Variants in VPS13B observed in about 807,000 individuals in gnomAD.
The protein encoded by VPS13B is intermembrane lipid transfer protein VPS13B.
Under a neutral mutation model 426.4 loss-of-function variants are expected in VPS13B, and 285 were observed. The ratio of observed to expected loss-of-function variants is 0.67; its 90% confidence interval spans 0.61 to 0.74. The LOEUF is 0.74. VPS13B is among the 30% of genes least tolerant of loss of function. The pLI is 0.00. For synonymous variants in VPS13B, 1,676 were observed against 1,676.4 expected, an observed-to-expected ratio of 1.00 and a Z score of 0.01; for missense variants, 4,537 against 4,782.6, an observed-to-expected ratio of 0.95 and a Z score of 1.51.
intron 17 of VPS13B, chr8:99,241,639 G>A (rs1038754438): frequency 4.6e-5 from 7 of 151,996 alleles, no homozygotes; most frequent in African/African-American, 1.7e-4. Context: ...CCAAGTCTAT[G>A]GAAATTTTAA....
At chr8:99,752,103 A>C (rs891498786) in intron 39 of VPS13B, among the ~76,000 whole-genome samples, 1 of 152,156 alleles carries the variant, frequency 6.6e-6, no homozygotes, top group Non-Finnish European at 1.5e-5. Context: ...CCCACTCAGG[A>C]GACTGAGAGA....
At chr8:99,457,917 CT>C (rs578207936) in intron 23 of VPS13B, among the ~76,000 whole-genome samples, 4 of 151,666 alleles carry the variant, frequency 2.6e-5, no homozygotes, top group African/African-American at 7.3e-5. Flanking sequence ...TTGCTGATTT[CT>C]TTTTTTTATA....
At chr8:99,597,971 G>T (rs986991641) in intron 33 of VPS13B, among the ~76,000 whole-genome samples, 1 of 151,994 alleles carries the variant, frequency 6.6e-6, no homozygotes, top group Non-Finnish European at 1.5e-5. Context: ...TCTCATTTCT[G>T]TTCCTAGAAG....
At chr8:99,069,310 T>A (rs1844726553) in intron 3 of VPS13B, among the ~76,000 whole-genome samples, 1 of 152,148 alleles carries the variant, frequency 6.6e-6, no homozygotes, top group African/African-American at 2.4e-5. Flanking sequence ...GGCACAAGCC[T>A]TTAGTCCTAG....
intron 21 of VPS13B, among the ~76,000 whole-genome samples, chr8:99,411,507 C>T (rs1400150407): frequency 6.6e-6 from 1 of 152,104 alleles, no homozygotes; most frequent in Non-Finnish European, 1.5e-5. Context: ...TCCCATTCTG[C>T]ATATTGCCTG....
chr8:99,080,252 G>A (rs1236353526), intron 3 of VPS13B, among the ~76,000 whole-genome samples: 2 of 151,774 alleles, frequency 1.3e-5, no homozygotes, highest in African/African-American at 4.8e-5. Flanking sequence ...TCTTAATGAA[G>A]TTGGGTTTTT....
intron 19 of VPS13B, among the ~76,000 whole-genome samples, chr8:99,276,213 T>C (rs577379564): frequency 6.6e-6 from 1 of 152,206 alleles, no homozygotes; most frequent in East Asian, 1.9e-4. Context: ...GAAAGATGAG[T>C]ATATTATGAT....
At chr8:99,595,172 T>A (rs551916496) in intron 33 of VPS13B, among the ~76,000 whole-genome samples, 6 of 152,020 alleles carry the variant, frequency 3.9e-5, no homozygotes, top group African/African-American at 1.4e-4. Flanking sequence ...TTGAACTATT[T>A]GTTGGGGGTT....
At chr8:99,183,242 A>G (rs987692636) in intron 16 of VPS13B, among the ~76,000 whole-genome samples, 1 of 152,190 alleles carries the variant, frequency 6.6e-6, no homozygotes, top group Non-Finnish European at 1.5e-5. Flanking sequence ...GAATTTAGAC[A>G]CTAGGTTGAG....
At position 99,616,773 on chromosome 8, in the gene VPS13B, C is replaced by T. The variant is rs181677254; in HGVS notation, c.5221-25038C>T. Among the ~76,000 whole-genome samples the T allele has an allele frequency of 7.5e-4, 114 of 152,262 alleles. 1 individual carries two copies. In the East Asian group the frequency reaches 0.011, roughly 15 times the overall value. ...CCGGGAGGCCGAAGTTGCGGTGAGC[C>T]GAGATTGCACCAGAAATCCTGTCTG... On this transcript the variant is annotated intron_variant, in intron 33 of 61. Transcript: ENST00000357162.
chr8:99,276,494 A>G (rs373940588), intron 19 of VPS13B, among the ~76,000 whole-genome samples: 194 of 152,262 alleles, frequency 1.3e-3, no homozygotes, highest in Non-Finnish European at 2.4e-3. Flanking sequence ...CTGACAGCTA[A>G]TATTTTAGGG....
At chr8:99,826,022 C>A (rs777673022) in intron 51 of VPS13B, among the ~76,000 whole-genome samples, 45 of 152,130 alleles carry the variant, frequency 3.0e-4, no homozygotes, top group Non-Finnish European at 5.6e-4. Flanking sequence ...CAGCTTTGTT[C>A]TTTTTGCTTA....
intron 51 of VPS13B, among the ~76,000 whole-genome samples, chr8:99,831,090 T>TTTTTTTTTTTTTG (rs1465842000): frequency 2.7e-5 from 4 of 149,892 alleles, no homozygotes; most frequent in South Asian, 2.1e-4. Flanking sequence ...TTTTTTTTTT[T>TTTTTTTTTTTTTG]GAGATAGAGT....
chr8:99,774,372 A>T (rs978115374), intron 40 of VPS13B, among the ~76,000 whole-genome samples: 1 of 152,170 alleles, frequency 6.6e-6, no homozygotes, highest in Non-Finnish European at 1.5e-5. Flanking sequence ...TATACCTAAA[A>T]ATATGTCTAA....
intron 8 of VPS13B, among the ~76,000 whole-genome samples, chr8:99,124,987 A>G (rs575557944): frequency 4.9e-4 from 74 of 152,266 alleles, no homozygotes; most frequent in African/African-American, 1.7e-3. Flanking sequence ...AAAAGGACAA[A>G]TATTTTATGA....
intron 14 of VPS13B, among the ~76,000 whole-genome samples, chr8:99,152,053 C>T (rs554000625): frequency 3.3e-5 from 5 of 151,900 alleles, no homozygotes; most frequent in Admixed American, 2.6e-4. Context: ...GATTTTAATT[C>T]TTTTCTTCTT....
At chr8:99,306,975 C>G (rs1820672371) in intron 19 of VPS13B, among the ~76,000 whole-genome samples, 1 of 152,054 alleles carries the variant, frequency 6.6e-6, no homozygotes, top group African/African-American at 2.4e-5. Context: ...TCTTTTTGAG[C>G]TTTTTGGTTA....
At chr8:99,350,947 T>C (rs967974875) in intron 19 of VPS13B, among the ~76,000 whole-genome samples, 1 of 152,062 alleles carries the variant, frequency 6.6e-6, no homozygotes, top group Admixed American at 6.5e-5. Flanking sequence ...TATTTAGTAC[T>C]GTTCATATTC....
intron 40 of VPS13B, among the ~76,000 whole-genome samples, chr8:99,776,118 A>T (rs1420394271): frequency 1.3e-5 from 2 of 152,124 alleles, no homozygotes. Flanking sequence ...GGAGAAGTAA[A>T]ACAAGGGTGA....
Sources: gnomAD v4.1 joint callset for allele counts (sites outside exome capture counted in the v4.1 genomes callset) on GRCh38, gnomAD v4.1.1 for gene constraint, MANE v1.5 for transcripts, NCBI Gene and HGNC (gene_info 2026-07-23, HGNC 2026-07-21) for gene names.